ING5: variants seen among roughly 807,000 people sequenced by gnomAD.
ING5 encodes inhibitor of growth family member 5.
Under a neutral mutation model 37.4 loss-of-function variants are expected in ING5, and 17 were observed. The ratio of observed to expected loss-of-function variants is 0.45; its 90% CI spans 0.31 to 0.68. The LOEUF is 0.68. Among genes scored for constraint, ING5 ranks in the 30% least tolerant of loss-of-function variants. ING5 has a pLI of 0.05. For synonymous variants in ING5, 123 were observed against 116.6 expected (o/e 1.06, Z -0.36); for missense variants, 233 against 311.9 (o/e 0.75, Z 1.91).
chr2:241,728,840 C>T lies in ING5; in HGVS notation c.*3809C>T, dbSNP rs1203217570. On this transcript the variant is annotated 3_prime_UTR_variant, in exon 8 of 8. Coordinates refer to ENST00000313552, the MANE Select transcript of ING5 (RefSeq NM_032329.6). Reference sequence around the variant, plus strand: ...GTGTTTTCCAGTCTGCCTGGAGCAGCGAGAAGCAGCTGTGCAGACTGGTGG... The same window carrying T: ...GTGTTTTCCAGTCTGCCTGGAGCAGTGAGAAGCAGCTGTGCAGACTGGTGG... 4 of 152,260 alleles carry T rather than the reference C, an allele frequency of 2.6e-5. No homozygotes were observed. The highest frequency in any genetic ancestry group is 7.2e-5 in the African/African-American group (3 of 41,446). 9.4% of individuals were successfully genotyped at this position (152,260 alleles called of 1,614,324 possible). A position where few individuals can be genotyped will look rare whatever the true frequency, so the allele number is the denominator to read the frequency against.
chr2:241,724,027 G>T, intron 7 of ING5: 1 of 1,388,206 alleles, frequency 7.2e-7, no homozygotes, highest in African/African-American at 1.5e-5. Flanking sequence ...TAAATAAAAA[G>T]ATAAAAACCT....
At chr2:241,721,023 G>A in intron 5 of ING5, 1 of 985,610 alleles carries the variant, frequency 1.0e-6, no homozygotes, top group Non-Finnish European at 1.2e-6. Context: ...GTGATGCTGA[G>A]ACACAGGTCA....
chr2:241,723,967 G>A (rs1054527640), intron 7 of ING5: 16 of 1,243,726 alleles, frequency 1.3e-5, no homozygotes, highest in African/African-American at 9.1e-5. Context: ...CTGAGATCGC[G>A]CCACTGCACT....
chr2:241,699,979 A>G (rs745543948), upstream of ING5, among the ~76,000 whole-genome samples: 1 of 116,924 alleles, frequency 8.6e-6, no homozygotes. Context: ...TAAACACTTT[A>G]AATTATTTTA....
At chr2:241,710,379 T>G (rs6711881) in intron 3 of ING5, among the ~76,000 whole-genome samples, 1,562 of 152,306 alleles carry the variant, frequency 0.01, 29 homozygotes, top group African/African-American at 0.036. Context: ...TGCAGTTCAG[T>G]GCAACCTCCA....
chr2:241,701,935 CCGACCCCGCCCCCGGGCG>C (rs1273817970), upstream of ING5: 2 of 434,806 alleles, frequency 4.6e-6, no homozygotes, highest in Non-Finnish European at 3.6e-6. Flanking sequence ...AAAGGCGTGT[CCGACCCCGCCCCCGGGCG>C]CGACCAATCA....
chr2:241,692,078 C>T (rs183691086), intron 2 of ING5, among the ~76,000 whole-genome samples: 7 of 152,026 alleles, frequency 4.6e-5, no homozygotes, highest in Admixed American at 6.6e-5. Context: ...AAAAGAAAAC[C>T]GTCACTAAAA....
intron 5 of ING5, chr2:241,721,231 C>T: frequency 2.0e-6 from 2 of 985,646 alleles, no homozygotes; most frequent in Non-Finnish European, 2.4e-6. Context: ...CGGCAGGAGG[C>T]TGAGACGTAG....
chr2:241,689,839 G>A (rs1388260667), exon 2 of ING5: 1 of 150,854 alleles, frequency 6.6e-6, no homozygotes, highest in Non-Finnish European at 1.5e-5. Flanking sequence ...GCCTTCCAGA[G>A]GATGAAGGGG....
intron 7 of ING5, chr2:241,723,795 C>T: frequency 3.1e-6 from 5 of 1,597,834 alleles, no homozygotes; most frequent in Non-Finnish European, 4.2e-6. Context: ...CCTCAGATTT[C>T]ATTTAAATAA....
intron 3 of ING5, among the ~76,000 whole-genome samples, 158 bp downstream of exon 3, chr2:241,709,540 T>A (rs1430254340): frequency 2.0e-5 from 3 of 148,224 alleles, no homozygotes; most frequent in African/African-American, 7.4e-5. Context: ...ATACACTTCA[T>A]GTAGGACCAT....
upstream of ING5, among the ~76,000 whole-genome samples, chr2:241,700,877 C>T (rs1480355595): frequency 1.3e-5 from 2 of 151,220 alleles, no homozygotes; most frequent in Non-Finnish European, 3.0e-5. Context: ...CCGCCCGCCT[C>T]GGCCTCCCAA....
chr2:241,697,015 G>T (rs1233148597), intron 2 of ING5, among the ~76,000 whole-genome samples: 1 of 152,138 alleles, frequency 6.6e-6, no homozygotes, highest in African/African-American at 2.4e-5. Flanking sequence ...CCAGGAGGCG[G>T]AGGTTGCAGT....
At chr2:241,723,368 G>GCATCCAGATGGCGACCCTGAGCAGCC in intron 7 of ING5, 97 bp downstream of exon 7, 2 of 1,321,474 alleles carry the variant, frequency 1.5e-6, no homozygotes, top group Non-Finnish European at 2.2e-6. Context: ...GAATCTTGCC[G>GCATCCAGATGGCGACCCTGAGCAGCC]GGCTTAGCGG....
At chr2:241,705,954 C>G (rs1011013280) in intron 2 of ING5, among the ~76,000 whole-genome samples, 1 of 151,292 alleles carries the variant, frequency 6.6e-6, no homozygotes, top group South Asian at 2.1e-4. Flanking sequence ...GCCATGCCAC[C>G]TGCTGTGCTT....
At chr2:241,718,646 C>T (rs2070346566) in intron 5 of ING5, among the ~76,000 whole-genome samples, 1 of 152,066 alleles carries the variant, frequency 6.6e-6, no homozygotes, top group African/African-American at 2.4e-5. Flanking sequence ...AACTCCTGGC[C>T]TCAGGTGGAT....
rs1346909169 is a variant in ING5, at chr2:241,729,403, T to G, written c.*4372T>G. ...ATCTTTTTATTAGATAATGTAAAGA[T>G]GTATATCAGTATTTTTGGATCATGT... On this transcript the variant is annotated 3_prime_UTR_variant, in exon 8 of 8. Coordinates refer to ENST00000313552, the MANE Select transcript of ING5 (RefSeq NM_032329.6). 6.5e-6 allele frequency: 1 copy of G among 152,690 alleles called. No individual in the cohort carries two copies. The highest frequency in any genetic ancestry group is 2.4e-5 in the African/African-American group (1 of 41,472). 9.5% of individuals were successfully genotyped at this position (152,690 alleles called of 1,614,324 possible).
intron 5 of ING5, among the ~76,000 whole-genome samples, chr2:241,712,725 G>A (rs2070148065): frequency 1.3e-5 from 2 of 152,106 alleles, no homozygotes; most frequent in Non-Finnish European, 2.9e-5. Flanking sequence ...CTCACAGAGG[G>A]AGGGTCAAAG....
rs917415519 is a variant in ING5, at chr2:241,724,860, C to T, written c.681-129C>T. The T allele has an allele frequency of 1.7e-5, 15 of 886,854 alleles. No homozygotes were observed. The Admixed American group carries it at 3.0e-4, about 17-fold the overall frequency. 54.9% of individuals were successfully genotyped at this position (886,854 alleles called of 1,614,324 possible). On this transcript the variant is annotated intron_variant, in intron 7 of 7. Transcript: ENST00000313552. ...CTGCGGGAGGGCCGCGGCCCCACTG[C>T]GTGTGCCTCTCCTGGTGCCCTCCTG... is the stretch of plus-strand genomic sequence containing the variant.
Sources: allele counts gnomAD v4.1 joint callset (sites outside exome capture counted in the v4.1 genomes callset), GRCh38; gene constraint gnomAD v4.1.1; transcripts MANE v1.5; gene names NCBI Gene and HGNC (gene_info 2026-07-23, HGNC 2026-07-21).